Variants in LIN7A observed in about 807,000 individuals in gnomAD.
The protein encoded by LIN7A is protein lin-7 homolog A.
Under a neutral mutation model 29.8 loss-of-function variants are expected in LIN7A, and 25 were observed. The ratio of observed to expected loss-of-function variants is 0.84; its 90% CI spans 0.61 to 1.17. The LOEUF (loss-of-function observed/expected upper bound fraction) is 1.17. Ranked by LOEUF, LIN7A falls within the 50% of genes most tolerant of loss-of-function variation. LIN7A has a pLI of 0.00. For missense variants in LIN7A, 239 were observed against 287.0 expected, an observed-to-expected ratio of 0.83 and a Z score of 1.21; for synonymous variants, 118 against 107.5, an observed-to-expected ratio of 1.10 and a Z score of -0.60.
At chr12:80,871,511 T>C (rs1159984405) in intron 2 of LIN7A, among the ~76,000 whole-genome samples, 2 of 152,106 alleles carry the variant, frequency 1.3e-5, no homozygotes, top group Non-Finnish European at 2.9e-5. Flanking sequence ...AACCTACTCA[T>C]CTTACTTTTT....
chr12:80,826,876 A>G (rs1455407174), intron 4 of LIN7A, among the ~76,000 whole-genome samples: 1 of 152,110 alleles, frequency 6.6e-6, no homozygotes, highest in Non-Finnish European at 1.5e-5. Flanking sequence ...GAGTAGAAAG[A>G]ACACAACTAT....
intron 1 of LIN7A, among the ~76,000 whole-genome samples, chr12:80,891,879 G>C (rs1875645640): frequency 6.6e-6 from 1 of 152,170 alleles, no homozygotes; most frequent in Admixed American, 6.5e-5. Flanking sequence ...AGAAATAAAA[G>C]GCGTTTATTA....
At chr12:80,900,486 G>T (rs1030530106) in intron 1 of LIN7A, among the ~76,000 whole-genome samples, 9 of 152,208 alleles carry the variant, frequency 5.9e-5, no homozygotes, top group African/African-American at 2.2e-4. Flanking sequence ...CAGTTTCAAA[G>T]AATTTCTTGA....
chr12:80,841,722 T>C (rs1872832440), intron 4 of LIN7A: 1 of 183,012 alleles, frequency 5.5e-6, no homozygotes, highest in African/African-American at 2.4e-5. Flanking sequence ...ATATCCTGAC[T>C]CTATCACTAA....
chr12:80,893,003 A>G (rs947660156), intron 1 of LIN7A, among the ~76,000 whole-genome samples: 10 of 152,192 alleles, frequency 6.6e-5, no homozygotes, highest in African/African-American at 1.4e-4. Context: ...AGAGATGTTG[A>G]TTCAGAAGGT....
At chr12:80,874,768 G>C (rs1874600672) in intron 2 of LIN7A, among the ~76,000 whole-genome samples, 1 of 152,296 alleles carries the variant, frequency 6.6e-6, no homozygotes, top group African/African-American at 2.4e-5. Flanking sequence ...CGGATCATGA[G>C]GTCAGGAGAT....
At chr12:80,826,866 G>A (rs1872106054) in intron 4 of LIN7A, among the ~76,000 whole-genome samples, 1 of 152,098 alleles carries the variant, frequency 6.6e-6, no homozygotes, top group South Asian at 2.1e-4. Context: ...ATCTATTGAT[G>A]AGTAGAAAGA....
Position 80,924,305 on chromosome 12 carries a change from G to A in LIN7A, c.82+13336C>T, listed in dbSNP as rs559948385. Among the ~76,000 whole-genome samples the A allele has an allele frequency of 2.9e-4, 44 of 152,208 alleles. No homozygotes were observed. The South Asian group carries it at 8.9e-3, about 31-fold the overall frequency. ...AGCAATATTCAAAGCTTTCATAGAT[G>A]GCAAGTGGCAGAACTGCAATTCAAA... On this transcript the variant is annotated intron_variant, in intron 1 of 5. Coordinates refer to ENST00000552864, the MANE Select transcript of LIN7A (RefSeq NM_004664.4).
intron 2 of LIN7A, among the ~76,000 whole-genome samples, chr12:80,887,226 A>G (rs1163680): frequency 0.68 from 103,457 of 152,050 alleles, 39,148 homozygotes; most frequent in Non-Finnish European, 0.87. Context: ...TTCCCATTTC[A>G]CAGTGCTGCC....
chr12:80,832,885 A>T (rs549043200), intron 4 of LIN7A, among the ~76,000 whole-genome samples: 2 of 152,224 alleles, frequency 1.3e-5, no homozygotes, highest in Non-Finnish European at 2.9e-5. Context: ...GGGACAGTTC[A>T]AAAGGTCTGG....
At chr12:80,825,092 T>G (rs1043529075) in intron 4 of LIN7A, among the ~76,000 whole-genome samples, 1 of 152,184 alleles carries the variant, frequency 6.6e-6, no homozygotes, top group Non-Finnish European at 1.5e-5. Flanking sequence ...ATAATATGAT[T>G]GTATACCTAG....
At chr12:80,874,817 A>G (rs1057074903) in intron 2 of LIN7A, among the ~76,000 whole-genome samples, 3 of 152,172 alleles carry the variant, frequency 2.0e-5, no homozygotes, top group Non-Finnish European at 4.4e-5. Flanking sequence ...CCCCGTCTCT[A>G]CTAAAAAATA....
In LIN7A at chr12:80,889,242, G is replaced by A. The variant is rs985430726; in HGVS notation, c.201+9C>T. The A allele has an allele frequency of 1.4e-6, 2 of 1,472,906 alleles. No homozygotes were observed. Among genetic ancestry groups the A allele is most frequent in the Non-Finnish European group, 1.9e-6 (2 of 1,051,860 alleles). 91.2% of individuals were successfully genotyped at this position (1,472,906 alleles called of 1,614,324 possible). On this transcript the variant is annotated intron_variant, in intron 2 of 5. Coordinates refer to ENST00000552864, the MANE Select transcript of LIN7A (RefSeq NM_004664.4). ...GCTGAATTTAGTTATTAAAATTTTA[G>A]TGCCATACCTCTCGAATAGCTGTAC...
At chr12:80,900,430 T>A (rs893432616) in intron 1 of LIN7A, among the ~76,000 whole-genome samples, 2 of 152,212 alleles carry the variant, frequency 1.3e-5, no homozygotes, top group Non-Finnish European at 2.9e-5. Context: ...TAACACTGCT[T>A]TAGCTGTGTC....
intron 2 of LIN7A, among the ~76,000 whole-genome samples, chr12:80,885,987 T>G (rs1245451202): frequency 6.6e-6 from 1 of 152,136 alleles, no homozygotes; most frequent in Non-Finnish European, 1.5e-5. Context: ...AATTTATGTT[T>G]TACAATCTTG....
At chr12:80,891,714 T>A (rs1875635833) in intron 1 of LIN7A, among the ~76,000 whole-genome samples, 1 of 152,126 alleles carries the variant, frequency 6.6e-6, no homozygotes, top group Admixed American at 6.5e-5. Context: ...AAGACATTTA[T>A]CATCATCAAA....
chr12:80,896,581 A>G (rs1214346294), intron 1 of LIN7A, among the ~76,000 whole-genome samples: 3 of 152,248 alleles, frequency 2.0e-5, no homozygotes, highest in African/African-American at 7.2e-5. Context: ...TTAATCTGCC[A>G]ACAACTTGCT....
chr12:80,912,641 A>G (rs1876814764), intron 1 of LIN7A, among the ~76,000 whole-genome samples: 1 of 150,340 alleles, frequency 6.7e-6, no homozygotes, highest in Non-Finnish European at 1.5e-5. Flanking sequence ...CTTGAATCCC[A>G]GAGGCAGAGG....
intron 4 of LIN7A, among the ~76,000 whole-genome samples, chr12:80,814,616 AGGCTCTCACGGT>A (rs1363796617): frequency 6.6e-6 from 1 of 152,044 alleles, no homozygotes; most frequent in African/African-American, 2.4e-5. Flanking sequence ...GTGGGCCATT[AGGCTCTCACGGT>A]GGTGGTGAAG....
Sources: gnomAD v4.1 joint callset for allele counts (sites outside exome capture counted in the v4.1 genomes callset) on GRCh38, gnomAD v4.1.1 for gene constraint, MANE v1.5 for transcripts, NCBI Gene and HGNC (gene_info 2026-07-23, HGNC 2026-07-21) for gene names.